The following ALG9 variants were observed in gnomAD, a reference collection of about 807,000 sequenced individuals.
ALG9 encodes alpha-1,2-mannosyltransferase ALG9.
Under a neutral mutation model 81.8 loss-of-function variants are expected in ALG9, and 55 were observed. The ratio of observed to expected loss-of-function variants is 0.67; its 90% CI spans 0.54 to 0.84. ALG9 has a LOEUF of 0.84. Among genes scored for constraint, ALG9 ranks in the 40% least tolerant of loss-of-function variants. ALG9 has a pLI of 0.00. For missense variants in ALG9, 629 were observed against 745.0 expected (o/e 0.84, Z 1.81); for synonymous variants, 278 against 274.3 (o/e 1.01, Z -0.13).
At chr11:111,827,014 T>C (rs1953434626) in intron 13 of ALG9, among the ~76,000 whole-genome samples, 1 of 152,216 alleles carries the variant, frequency 6.6e-6, no homozygotes, top group Admixed American at 6.5e-5. Flanking sequence ...TTCCTGATTG[T>C]TCTCTTTTAA....
downstream of ALG9, among the ~76,000 whole-genome samples, chr11:111,780,804 A>G (rs1165800533): frequency 3.9e-5 from 6 of 152,198 alleles, no homozygotes. Flanking sequence ...CAATAAAAAT[A>G]TACAGTACCA....
At chr11:111,859,357 C>G (rs1959204646) in intron 5 of ALG9, among the ~76,000 whole-genome samples, 2 of 151,932 alleles carry the variant, frequency 1.3e-5, no homozygotes, top group Non-Finnish European at 2.9e-5. Flanking sequence ...AAAAAATTAG[C>G]TGGGCGTGGT....
chr11:111,793,546 G>A (rs1403536155), intron 14 of ALG9, among the ~76,000 whole-genome samples: 2 of 152,160 alleles, frequency 1.3e-5, no homozygotes, highest in Non-Finnish European at 2.9e-5. Context: ...CGGATCACAA[G>A]GTCAGGAGAG....
intron 8 of ALG9, among the ~76,000 whole-genome samples, chr11:111,852,976 C>T (rs1958069559): frequency 6.6e-6 from 1 of 151,070 alleles, no homozygotes; most frequent in Non-Finnish European, 1.5e-5. Flanking sequence ...GGGTATACTC[C>T]CAGGTGTTAG....
chr11:111,783,795 A>AT lies in ALG9; in HGVS notation c.*2601_*2602insA, dbSNP rs1946170517. The stretch of plus-strand genomic sequence containing the variant: ...TTCTGCCATGTATTGTGCTCTCACT[A>AT]AAGACATACATAGAACAGAGAGATC... On this transcript the variant is annotated 3_prime_UTR_variant, in exon 15 of 15. Transcript: ENST00000616540. The AT allele has an allele frequency of 2.0e-5, 3 of 152,206 alleles. No individual in the cohort carries two copies. The highest frequency in any genetic ancestry group is 2.0e-4 in the Admixed American group (3 of 15,284). The allele number at this position is 152,206 out of a possible 1,614,324, so 9.4% of individuals were successfully genotyped here.
chr11:111,812,132 A>G (rs1221328092), intron 13 of ALG9, among the ~76,000 whole-genome samples: 1 of 152,192 alleles, frequency 6.6e-6, no homozygotes, highest in Non-Finnish European at 1.5e-5. Context: ...ACTATTATAA[A>G]TATGTCAATT....
chr11:111,858,019 A>T (rs1555144839), intron 5 of ALG9: 1 of 381,414 alleles, frequency 2.6e-6, no homozygotes, highest in East Asian at 6.5e-5. Flanking sequence ...GCTCACTGCA[A>T]CCTGATTCCC....
chr11:111,802,238 C>T (rs1012373423), intron 14 of ALG9, among the ~76,000 whole-genome samples: 3 of 152,236 alleles, frequency 2.0e-5, no homozygotes, highest in Non-Finnish European at 4.4e-5. Context: ...CAAGCCCCTA[C>T]ACAAAGATGT....
Position 111,837,514 on chromosome 11 carries a change from CCA to C in ALG9, c.1424_1425del (p.Val475GlyfsTer15), listed in dbSNP as rs1555118656. On this transcript the variant is annotated frameshift_variant, in exon 12 of 15. Transcript: ENST00000616540. LOFTEE classifies it high-confidence loss of function. ...VPEGRPVNVC[V>X]GKEWYRFPSS... The stretch of plus-strand genomic sequence containing the variant: ...CTGGGAAATCGATACCACTCTTTTC[CCA>C]CACAGACATTCACAGGTCTGCCTTC... 2.5e-6 allele frequency: 4 copies of C among 1,614,094 alleles called. No homozygotes were observed. Among genetic ancestry groups the C allele is most frequent in the Admixed American group, 1.7e-5 (1 of 60,012 alleles).
At chr11:111,820,565 A>G (rs1952170921) in intron 13 of ALG9, among the ~76,000 whole-genome samples, 1 of 152,212 alleles carries the variant, frequency 6.6e-6, no homozygotes, top group Admixed American at 6.5e-5. Flanking sequence ...ACCTCCTAAC[A>G]CTGACAAATT....
Position 111,785,978 on chromosome 11 carries a change from TAA to T in ALG9, c.*417_*418del. On this transcript the variant is annotated 3_prime_UTR_variant, in exon 15 of 15. Coordinates refer to ENST00000616540, the MANE Select transcript of ALG9 (RefSeq NM_024740.2). ...CTTTGGTGGAGAAGCCCATATGGCC[TAA>T]GAGAGGCTTGCTAGTTCTCAGATGC... The T allele has an allele frequency of 2.2e-6, 1 of 456,304 alleles. No homozygotes were observed. The highest frequency in any genetic ancestry group is 4.4e-6 in the Non-Finnish European group (1 of 226,768). The allele number at this position is 456,304 out of a possible 1,614,324, so 28.3% of individuals were successfully genotyped here. A position where few individuals can be genotyped will look rare whatever the true frequency, so the allele number is the denominator to read the frequency against.
chr11:111,840,235 G>C (rs1023263688), intron 10 of ALG9, among the ~76,000 whole-genome samples: 2 of 152,190 alleles, frequency 1.3e-5, no homozygotes, highest in African/African-American at 2.4e-5. Context: ...GAGTTAAGAT[G>C]AGCTCTGCCA....
At position 111,785,728 on chromosome 11, in the gene ALG9, G is replaced by T. The variant is rs115171254; in HGVS notation, c.*669C>A. 6.8e-3 allele frequency: 1,627 copies of T among 238,156 alleles called. 25 individuals carry two copies. Among genetic ancestry groups the T allele is most frequent in the African/African-American group, 0.034 (1,493 of 43,780 alleles). The allele number at this position is 238,156 out of a possible 1,614,324, so 14.8% of individuals were successfully genotyped here. A position where few individuals can be genotyped will look rare whatever the true frequency, so the allele number is the denominator to read the frequency against. Reference sequence around the variant, plus strand: ...CCTTATAGTTACAGTTGGTTGTAAAGGAAATGAAAATTAGAGGCATCATTA... The same window carrying T: ...CCTTATAGTTACAGTTGGTTGTAAATGAAATGAAAATTAGAGGCATCATTA... On this transcript the variant is annotated 3_prime_UTR_variant, in exon 15 of 15. Transcript: ENST00000616540.
At chr11:111,828,802 A>C (rs1592122264) in intron 13 of ALG9, 2 of 152,324 alleles carry the variant, frequency 1.3e-5, no homozygotes, top group Admixed American at 6.5e-5. Context: ...GATGAAATTA[A>C]AACATTATTT....
intron 13 of ALG9, among the ~76,000 whole-genome samples, chr11:111,812,700 T>A (rs1950898134): frequency 6.6e-6 from 1 of 152,040 alleles, no homozygotes. Flanking sequence ...GTGGATCGCC[T>A]GAGGTCAGGA....
At chr11:111,844,205 A>G (rs2136930909) in intron 9 of ALG9, among the ~76,000 whole-genome samples, 2 of 152,218 alleles carry the variant, frequency 1.3e-5, no homozygotes, top group East Asian at 1.9e-4. Flanking sequence ...GGGTTTCACC[A>G]CGTTGGCCAG....
intron 14 of ALG9, among the ~76,000 whole-genome samples, chr11:111,805,750 T>C (rs1240425350): frequency 6.6e-6 from 1 of 152,242 alleles, no homozygotes; most frequent in East Asian, 1.9e-4. Flanking sequence ...TTATATGCCA[T>C]AGAACTGTAT....
chr11:111,770,246 A>C, the ALG9 span, among the ~76,000 whole-genome samples: 2 of 152,198 alleles, frequency 1.3e-5, no homozygotes, highest in Admixed American at 1.3e-4. Context: ...TAGAGTCCTT[A>C]AGAATGGGGC....
chr11:111,866,763 C>T (rs1555153500), intron 3 of ALG9, among the ~76,000 whole-genome samples: 1 of 151,560 alleles, frequency 6.6e-6, no homozygotes, highest in African/African-American at 2.4e-5. Flanking sequence ...AGCCCTTCAC[C>T]CTTTATTATC....
Sources: allele counts gnomAD v4.1 joint callset (sites outside exome capture counted in the v4.1 genomes callset), GRCh38; gene constraint gnomAD v4.1.1; transcripts MANE v1.5; gene names NCBI Gene and HGNC (gene_info 2026-07-23, HGNC 2026-07-21).